The following NIPSNAP3B variants were observed in gnomAD, a reference collection of about 807,000 sequenced individuals.
The protein encoded by NIPSNAP3B is protein NipSnap homolog 3B.
In NIPSNAP3B, 30 loss-of-function variants were observed where a neutral mutation model predicts 31.5. The ratio of observed to expected loss-of-function variants is 0.95; its 90% confidence interval spans 0.71 to 1.29. The LOEUF is 1.29. Among genes scored for constraint, NIPSNAP3B ranks in the 50% most tolerant of loss-of-function variants. The pLI is 0.00. For synonymous variants in NIPSNAP3B, 106 were observed against 107.9 expected (o/e 0.98, Z 0.11); for missense variants, 269 against 300.7 (o/e 0.89, Z 0.78).
downstream of NIPSNAP3B, among the ~76,000 whole-genome samples, chr9:104,779,705 T>C (rs529772054): frequency 1.3e-5 from 2 of 152,250 alleles, no homozygotes; most frequent in East Asian, 3.9e-4. Flanking sequence ...TTTTGGGCTT[T>C]TCTACAGATA....
At chr9:104,778,507 G>A (rs572148282), downstream of NIPSNAP3B, among the ~76,000 whole-genome samples, 9 of 151,996 alleles carry the variant, frequency 5.9e-5, no homozygotes, top group South Asian at 8.3e-4. Flanking sequence ...GATTATAGGC[G>A]TGCACCACCA....
downstream of NIPSNAP3B, chr9:104,782,048 A>T (rs1828576875): frequency 6.6e-6 from 1 of 152,132 alleles, no homozygotes; most frequent in Non-Finnish European, 1.5e-5. Flanking sequence ...GATTTTTTAA[A>T]ATATGGCCTT....
rs1011391715 is a variant in NIPSNAP3B at position 104,764,137 on chromosome 9, A to T, written c.-104A>T. On this transcript the variant is annotated 5_prime_UTR_variant, in exon 1 of 6. Coordinates refer to ENST00000374762, the MANE Select transcript of NIPSNAP3B (RefSeq NM_018376.4). ...CCCCGCCGAGTCCCGCCCCTGCCTG[A>T]GTTCGCCAGTGGTCCAGGAGCCGCT... 38 of 1,069,256 alleles carry T rather than the reference A, an allele frequency of 3.6e-5. No homozygotes were observed. The African/African-American group carries it at 5.2e-4, about 15-fold the overall frequency. 66.2% of individuals were successfully genotyped at this position (1,069,256 alleles called of 1,614,324 possible).
Position 104,766,551 on chromosome 9 carries a change from G to A in NIPSNAP3B, c.271+16G>A, listed in dbSNP as rs778864745. On this transcript the variant is annotated intron_variant, in intron 2 of 5. Coordinates refer to ENST00000374762, the MANE Select transcript of NIPSNAP3B (RefSeq NM_018376.4). Reference sequence around the variant, plus strand: ...TGGAAGTATGGTAAAGAGTCATCCAGTTTTAGTATTCAGTATAGATTTTCA... The same window carrying A: ...TGGAAGTATGGTAAAGAGTCATCCAATTTTAGTATTCAGTATAGATTTTCA... 1 of 1,601,964 alleles carries A rather than the reference G, an allele frequency of 6.2e-7. No homozygotes were observed. Among genetic ancestry groups the A allele is most frequent in the Non-Finnish European group, 8.5e-7 (1 of 1,170,094 alleles).
chr9:104,785,404 G>C, the NIPSNAP3B span: 2 of 1,613,902 alleles, frequency 1.2e-6, no homozygotes, highest in Non-Finnish European at 1.7e-6. Context: ...ACTTGGTCAA[G>C]TGTTGTCTGA....
At chr9:104,771,019 T>C in intron 4 of NIPSNAP3B, 21 bp downstream of exon 4, 1 of 1,611,672 alleles carries the variant, frequency 6.2e-7, no homozygotes, top group Non-Finnish European at 8.5e-7. Flanking sequence ...CCATTTGTTC[T>C]ATGAAGTTGC....
downstream of NIPSNAP3B, among the ~76,000 whole-genome samples, chr9:104,779,099 C>T (rs749667381): frequency 1.3e-5 from 2 of 152,174 alleles, no homozygotes; most frequent in East Asian, 1.9e-4. Context: ...ATCCTTCGCA[C>T]CCACCTTGAA....
At chr9:104,784,168 T>C in the NIPSNAP3B span, 1 of 1,007,482 alleles carries the variant, frequency 9.9e-7, no homozygotes, top group East Asian at 2.4e-5. Context: ...TTGCATTGAA[T>C]TGCATTGCAT....
At chr9:104,764,377 G>A in intron 1 of NIPSNAP3B, 77 bp downstream of exon 1, 1 of 1,281,540 alleles carries the variant, frequency 7.8e-7, no homozygotes, top group Admixed American at 2.7e-5. Flanking sequence ...AAGCGTGCGA[G>A]CCACGCTCAG....
intron 2 of NIPSNAP3B, 31 bp downstream of exon 2, chr9:104,766,566 A>G: frequency 6.4e-7 from 1 of 1,574,394 alleles, no homozygotes; most frequent in Non-Finnish European, 8.7e-7. Flanking sequence ...AGTATTCAGT[A>G]TAGATTTTCA....
chr9:104,784,594 T>C, the NIPSNAP3B span: 11 of 1,030,204 alleles, frequency 1.1e-5, no homozygotes, highest in African/African-American at 1.5e-4. Flanking sequence ...TAGAAAACTG[T>C]GTGTGAAGGA....
At chr9:104,766,665 C>CA (rs1564056918) in intron 2 of NIPSNAP3B, 130 bp downstream of exon 2, 2 of 863,184 alleles carry the variant, frequency 2.3e-6, no homozygotes, top group African/African-American at 1.7e-5. Context: ...AAAGCAATAC[C>CA]AAAAAAATAA....
chr9:104,775,106 G>GCAGT lies in NIPSNAP3B; in HGVS notation c.*2034_*2037dup, dbSNP rs1828306232. On this transcript the variant is annotated 3_prime_UTR_variant, in exon 6 of 6. Coordinates refer to ENST00000374762, the MANE Select transcript of NIPSNAP3B (RefSeq NM_018376.4). ...TCACTTGCTGAAGGATGTGGCTTAG[G>GCAGT]CAGTTTTCCTGTCTCCTGAAGCCAC... is the stretch of plus-strand genomic sequence containing the variant. 6.6e-6 allele frequency among the ~76,000 whole-genome samples: 1 copy of GCAGT among 151,804 alleles called. No homozygotes were observed. Among genetic ancestry groups the GCAGT allele is most frequent in the Non-Finnish European group, 1.5e-5 (1 of 67,998 alleles).
the NIPSNAP3B span, among the ~76,000 whole-genome samples, chr9:104,784,707 G>A: frequency 1.3e-5 from 2 of 152,152 alleles, no homozygotes; most frequent in Non-Finnish European, 2.9e-5. Context: ...GCAGTGGCGA[G>A]ACCTTGGCTC....
At chr9:104,770,236 C>T (rs2118793152) in intron 3 of NIPSNAP3B, among the ~76,000 whole-genome samples, 1 of 152,104 alleles carries the variant, frequency 6.6e-6, no homozygotes, top group South Asian at 2.1e-4. Flanking sequence ...TCTTTCTCTC[C>T]ACCCATCTTA....
In NIPSNAP3B at chr9:104,775,557, G is replaced by A. The variant is rs1476005885; in HGVS notation, c.*2484G>A. 6.6e-6 allele frequency among the ~76,000 whole-genome samples: 1 copy of A among 152,022 alleles called. No homozygotes were observed. Among genetic ancestry groups the A allele is most frequent in the Non-Finnish European group, 1.5e-5 (1 of 68,008 alleles). ...CTGCGTCATCACCCCCAGTCTTGTG[G>A]CTTCAAATGCTATCTGTGTGTGGAT... On this transcript the variant is annotated 3_prime_UTR_variant, in exon 6 of 6. Transcript: ENST00000374762.
Position 104,770,996 on chromosome 9 carries a change from G to GT in NIPSNAP3B, c.578_579insT (p.Arg193SerfsTer9). ...CACACAGAATATGGAGAACTCAACA[G>GT]AGGTACAGTTGTCCATTTGTTCTAT... On this transcript the variant is annotated frameshift_variant and splice_region_variant, in exon 4 of 6. Coordinates refer to ENST00000374762, the MANE Select transcript of NIPSNAP3B (RefSeq NM_018376.4). LOFTEE classifies it high-confidence loss of function. 1 of 1,613,600 alleles carries GT rather than the reference G, an allele frequency of 6.2e-7. No individual in the cohort carries two copies. Among genetic ancestry groups the GT allele is most frequent in the Non-Finnish European group, 8.5e-7 (1 of 1,179,618 alleles).
chr9:104,781,349 G>A (rs1460883455), downstream of NIPSNAP3B: 2 of 152,478 alleles, frequency 1.3e-5, no homozygotes, highest in Non-Finnish European at 2.9e-5. Flanking sequence ...TTCTAAGGGG[G>A]ATGCAACAAT....
Position 104,776,178 on chromosome 9 carries a change from C to T in NIPSNAP3B, c.*3105C>T, listed in dbSNP as rs1202985712. ...TTTCCACTCTCGCTCCAGACCTGAC[C>T]TAAGAGGCTTTTCTCTGAACTTGCT... On this transcript the variant is annotated 3_prime_UTR_variant, in exon 6 of 6. Coordinates refer to ENST00000374762, the MANE Select transcript of NIPSNAP3B (RefSeq NM_018376.4). 6.6e-6 allele frequency among the ~76,000 whole-genome samples: 1 copy of T among 152,142 alleles called. No individual in the cohort carries two copies. Among genetic ancestry groups the T allele is most frequent in the Non-Finnish European group, 1.5e-5 (1 of 68,012 alleles).
Sources: allele counts gnomAD v4.1 joint callset (sites outside exome capture counted in the v4.1 genomes callset), GRCh38; gene constraint gnomAD v4.1.1; transcripts MANE v1.5; gene names NCBI Gene and HGNC (gene_info 2026-07-23, HGNC 2026-07-21).